Variants in C6orf132 observed in about 807,000 individuals in gnomAD.
C6orf132 encodes uncharacterized protein C6orf132.
In C6orf132, 43 loss-of-function variants were observed where a neutral mutation model predicts 65.3. The observed-to-expected ratio is 0.66, with a 90% CI of 0.52 to 0.85. The LOEUF (loss-of-function observed/expected upper bound fraction) is 0.85, where lower values mean the gene tolerates loss of function less well. C6orf132 is among the 40% of genes least tolerant of loss of function. C6orf132 has a pLI of 0.00. For missense variants in C6orf132, 1,488 were observed against 1,548.8 expected (o/e 0.96, Z 0.66); for synonymous variants, 631 against 654.1 (o/e 0.96, Z 0.54).
At position 42,104,729 on chromosome 6, in the gene C6orf132, GA is replaced by G; in HGVS notation, c.3182del (p.Leu1061ProfsTer2). The G allele has an allele frequency of 6.5e-7, 1 of 1,527,002 alleles. No homozygotes were observed. The highest frequency in any genetic ancestry group is 8.7e-7 in the Non-Finnish European group (1 of 1,143,308). 94.6% of individuals were successfully genotyped at this position (1,527,002 alleles called of 1,614,324 possible). ...CCCCGACGTACAGGCGCTTCTTTAT[GA>G]GCGAGCGGCCCCCTCCCGAGAAGCG... is the stretch of plus-strand genomic sequence containing the variant. Reference protein sequence around the residue: ...LERFSGGGRSLIKKRLYVGEP... With the variant: ...LERFSGGGRSXIKKRLYVGEP... On this transcript the variant is annotated frameshift_variant, in exon 4 of 5. Transcript: ENST00000341865. LOFTEE classifies it high-confidence loss of function. The surrounding 1 kb of genome is among the most constrained non-coding windows in gnomAD (Gnocchi z 4.1).
At position 42,106,008 on chromosome 6, in the gene C6orf132, G is replaced by A. The variant is rs559485240; in HGVS notation, c.1904C>T (p.Ala635Val). The A allele has an allele frequency of 2.7e-5, 41 of 1,537,226 alleles. No individual in the cohort carries two copies. In the South Asian group the frequency reaches 2.9e-4, roughly 11 times the overall value. ...LLPTTSLQPK[A>V]MLGPAIPPKA... The stretch of plus-strand genomic sequence containing the variant: ...GGGTGGTATGGCTGGTCCCAACATA[G>A]CCTTGGGCTGGAGTGATGTAGTTGG... Residue 635 changes from alanine (A) to valine (V), a missense_variant, in exon 4 of 5, where the codon GCT (alanine) becomes GTT (valine). By Grantham distance (64) the Ala-to-Val change is moderately conservative. Coordinates refer to ENST00000341865, the MANE Select transcript of C6orf132 (RefSeq NM_001164446.3).
chr6:42,142,188 C>G, intron 1 of C6orf132, 112 bp downstream of exon 1: 1 of 1,262,742 alleles, frequency 7.9e-7, no homozygotes, highest in Non-Finnish European at 1.1e-6. Flanking sequence ...CTCGGCCAGT[C>G]CGCAGGTTCC....
In C6orf132 at chr6:42,105,054, T is replaced by A; in HGVS notation, c.2858A>T (p.Asn953Ile). The A allele has an allele frequency of 6.5e-7, 1 of 1,535,304 alleles. No homozygotes were observed. Among genetic ancestry groups the A allele is most frequent in the African/African-American group, 1.4e-5 (1 of 72,578 alleles). ...GGGCAGCGGGTGGCCCTGGGGGAGG[T>A]TGGAGGGAGCTACTCTTTCCCAGGC... ...PVAWERVAPS[N>I]LPQGHPLPKS... The change falls in exon 4 of 5, where the codon AAC becomes ATC. Residue 953 changes from asparagine to isoleucine, a missense_variant. Asn to Ile is a moderately radical substitution (Grantham distance 149). Transcript: ENST00000341865.
rs1766365109 is a variant in C6orf132, at chr6:42,104,894, C to G, written c.3018G>C (p.Leu1006=). Reference sequence around the variant, plus strand: ...TCCGGGGAGGGGAGCTCTGGCGGCCCAGATACTGGAGGGCCGGGGCCGGGG... The same window carrying G: ...TCCGGGGAGGGGAGCTCTGGCGGCCGAGATACTGGAGGGCCGGGGCCGGGG... ...PEPPAPALQY[L]GRQSSPPRNN... Residue 1006 remains leucine (L), a synonymous_variant, in exon 4 of 5, where the codon CTG becomes CTC. Coordinates refer to ENST00000341865, the MANE Select transcript of C6orf132 (RefSeq NM_001164446.3). The surrounding 1 kb of genome is among the most constrained non-coding windows in gnomAD (Gnocchi z 4.1). 1.4e-6 allele frequency: 2 copies of G among 1,451,118 alleles called. No individual in the cohort carries two copies. Among genetic ancestry groups the G allele is most frequent in the Admixed American group, 2.7e-5 (1 of 37,088 alleles). 89.9% of individuals were successfully genotyped at this position (1,451,118 alleles called of 1,614,324 possible). A position where few individuals can be genotyped will look rare whatever the true frequency, so the allele number is the denominator to read the frequency against.
chr6:42,126,898 G>A, intron 2 of C6orf132: 2 of 406,800 alleles, frequency 4.9e-6, no homozygotes, highest in Admixed American at 4.4e-5. Context: ...ATTTATGGGT[G>A]CAATCACTTC....
rs1222395601 is a variant in C6orf132, at chr6:42,104,850, C to T, written c.3062G>A (p.Arg1021Lys). 1 of 1,456,012 alleles carries T rather than the reference C, an allele frequency of 6.9e-7. No homozygotes were observed. The highest frequency in any genetic ancestry group is 1.4e-5 in the African/African-American group (1 of 69,980). 90.2% of individuals were successfully genotyped at this position (1,456,012 alleles called of 1,614,324 possible). A position where few individuals can be genotyped will look rare whatever the true frequency, so the allele number is the denominator to read the frequency against. Residue 1021 changes from arginine (R) to lysine (K), a missense_variant, in exon 4 of 5, where the codon AGG (arginine) becomes AAG (lysine). Physicochemically the swap from Arg to Lys is conservative, Grantham distance 26. Coordinates refer to ENST00000341865, the MANE Select transcript of C6orf132 (RefSeq NM_001164446.3). The surrounding 1 kb of genome is among the most constrained non-coding windows in gnomAD (Gnocchi z 4.1). ...CCCGGGGCCAGCGTTCGGGAGCTGC[C>T]TCAAGTCTGAGTAGTTGTTCCGGGG... ...SPPRNNYSDL[R>K]QLPNAGPGAP...
chr6:42,129,916 T>C lies in C6orf132; in HGVS notation c.146-1138A>G, dbSNP rs1448564624. ...CCTTGTACATGACTTTAGGAGAAAA[T>C]TGCAAGAAAGCCAAATGATTTATTC... is the stretch of plus-strand genomic sequence containing the variant. On this transcript the variant is annotated intron_variant, in intron 1 of 4. Transcript: ENST00000341865. Among the ~76,000 whole-genome samples, 8 of 152,288 alleles carry C rather than the reference T, an allele frequency of 5.3e-5. No individual in the cohort carries two copies. In the East Asian group the frequency reaches 7.7e-4, roughly 15 times the overall value.
At chr6:42,130,578 G>A (rs1562041212) in intron 1 of C6orf132, among the ~76,000 whole-genome samples, 1 of 152,064 alleles carries the variant, frequency 6.6e-6, no homozygotes, top group African/African-American at 2.4e-5. Flanking sequence ...CCTAGGCAAG[G>A]CCCTAATCAT....
At chr6:42,126,697 G>T in intron 2 of C6orf132, 2 of 292,742 alleles carry the variant, frequency 6.8e-6, no homozygotes, top group Non-Finnish European at 1.3e-5. Flanking sequence ...CAAAAAATTT[G>T]CCGGGCATGG....
chr6:42,133,982 G>A (rs1389383493), intron 1 of C6orf132, among the ~76,000 whole-genome samples: 1 of 152,132 alleles, frequency 6.6e-6, no homozygotes, highest in Non-Finnish European at 1.5e-5. Flanking sequence ...CCTGGGTACA[G>A]GCAGCTCCCC....
Position 42,106,421 on chromosome 6 carries a change from G to A in C6orf132, c.1491C>T (p.Ala497=). ...FLSHRPGPTV[A]PQSKEGKKGP... is the part of the protein sequence containing the mutation. Reference sequence around the variant, plus strand: ...CCTTCTTGCCCTCCTTGCTCTGAGGGGCCACTGTTGGGCCTGGCCTGTGAC... The same window carrying A: ...CCTTCTTGCCCTCCTTGCTCTGAGGAGCCACTGTTGGGCCTGGCCTGTGAC... The change falls in exon 4 of 5, where the codon GCC becomes GCT. Residue 497 remains alanine, a synonymous_variant. Coordinates refer to ENST00000341865, the MANE Select transcript of C6orf132 (RefSeq NM_001164446.3). 6.5e-7 allele frequency: 1 copy of A among 1,536,094 alleles called. No individual in the cohort carries two copies. Among genetic ancestry groups the A allele is most frequent in the Non-Finnish European group, 8.7e-7 (1 of 1,146,858 alleles).
At position 42,105,117 on chromosome 6, in the gene C6orf132, C is replaced by A; in HGVS notation, c.2795G>T (p.Arg932Met). 1 of 1,536,982 alleles carries A rather than the reference C, an allele frequency of 6.5e-7. No homozygotes were observed. The highest frequency in any genetic ancestry group is 8.7e-7 in the Non-Finnish European group (1 of 1,146,846). The change falls in exon 4 of 5, where the codon AGG (arginine) becomes ATG (methionine). Residue 932 changes from arginine to methionine, a missense_variant. Transcript: ENST00000341865. Reference sequence around the variant, plus strand: ...GGGCTCTGGCTTTGTCCAGTTGTGCCTGCGGCTCAGCTCTGTGCCCTCTGC... The same window carrying A: ...GGGCTCTGGCTTTGTCCAGTTGTGCATGCGGCTCAGCTCTGTGCCCTCTGC... The part of the protein sequence containing the change: ...RDAEGTELSR[R>M]HNWTKPEPQA...
intron 1 of C6orf132, among the ~76,000 whole-genome samples, chr6:42,134,501 C>T (rs1766907626): frequency 6.6e-6 from 1 of 152,018 alleles, no homozygotes; most frequent in Non-Finnish European, 1.5e-5. Context: ...CGGCCGGGCA[C>T]AGTAGCTCAC....
At position 42,106,389 on chromosome 6, in the gene C6orf132, C is replaced by T. The variant is rs1373685755; in HGVS notation, c.1523G>A (p.Arg508His). 18 of 1,535,948 alleles carry T rather than the reference C, an allele frequency of 1.2e-5. No homozygotes were observed. The highest frequency in any genetic ancestry group is 4.9e-5 in the East Asian group (2 of 40,882). ...CAGGAGAGTCTCCTTCTCAGGCAGG[C>T]GGGGGCCCTTCTTGCCCTCCTTGCT... The part of the protein sequence containing the change: ...PQSKEGKKGP[R>H]LPEKETLLSL... The change falls in exon 4 of 5, where the codon CGC (arginine) becomes CAC (histidine). Residue 508 changes from arginine to histidine, a missense_variant. Transcript: ENST00000341865.
At position 42,128,652 on chromosome 6, in the gene C6orf132, C is replaced by T. The variant is rs1448035225; in HGVS notation, c.252+20G>A. ...CCAGCCAGAGCAGACTCTCCAACCT[C>T]AGAGCAGAACCGTACTCACCAGCGG... On this transcript the variant is annotated intron_variant, in intron 2 of 4. Transcript: ENST00000341865. 15 of 1,544,750 alleles carry T rather than the reference C, an allele frequency of 9.7e-6. No individual in the cohort carries two copies. Among genetic ancestry groups the T allele is most frequent in the Non-Finnish European group, 1.1e-5 (13 of 1,141,660 alleles).
chr6:42,140,162 C>A (rs1767009934), intron 1 of C6orf132, among the ~76,000 whole-genome samples: 1 of 152,270 alleles, frequency 6.6e-6, no homozygotes, highest in African/African-American at 2.4e-5. Flanking sequence ...CAAGCTGAGT[C>A]AGCTGGAGGC....
intron 2 of C6orf132, among the ~76,000 whole-genome samples, chr6:42,110,718 AAC>A (rs1270017432): frequency 1.3e-5 from 2 of 152,194 alleles, no homozygotes; most frequent in Non-Finnish European, 2.9e-5. Flanking sequence ...ATAGCACTAT[AAC>A]ACATGACACT....
Position 42,102,805 on chromosome 6 carries a change from A to G in C6orf132, c.*956T>C, listed in dbSNP as rs1210387371. 3.0e-6 allele frequency: 1 copy of G among 333,456 alleles called. No homozygotes were observed. The highest frequency in any genetic ancestry group is 2.1e-5 in the African/African-American group (1 of 47,274). The allele number at this position is 333,456 out of a possible 1,614,324, so 20.7% of individuals were successfully genotyped here. The stretch of plus-strand genomic sequence containing the variant: ...CCATCTCTGCTGCCTCCACTCTCCA[A>G]GGCTTTCTAGCATCTTAAGGCATCA... On this transcript the variant is annotated 3_prime_UTR_variant, in exon 5 of 5. Transcript: ENST00000341865.
At chr6:42,133,367 T>C (rs1766884779) in intron 1 of C6orf132, among the ~76,000 whole-genome samples, 1 of 152,250 alleles carries the variant, frequency 6.6e-6, no homozygotes, top group African/African-American at 2.4e-5. Flanking sequence ...TCCCTTGGTG[T>C]CTGGCTTTTT....
Sources: allele counts gnomAD v4.1 joint callset (sites outside exome capture counted in the v4.1 genomes callset), GRCh38; gene constraint gnomAD v4.1.1; non-coding constraint Gnocchi (gnomAD v3.1); transcripts MANE v1.5; gene names NCBI Gene and HGNC (gene_info 2026-07-23, HGNC 2026-07-21).